Variants in COL4A5 observed in about 807,000 individuals in gnomAD.
COL4A5 encodes collagen type IV alpha 5 chain, also known as collagen alpha-5(IV) chain.
In COL4A5, 26 loss-of-function variants were observed where a neutral mutation model predicts 130.2. The observed-to-expected ratio is 0.20, with a 90% CI of 0.15 to 0.28. The LOEUF is 0.28. Among genes scored for constraint, COL4A5 ranks in the 10% least tolerant of loss-of-function variants. The pLI is 1.00. For synonymous variants in COL4A5, 496 were observed against 439.6 expected (o/e 1.13, Z -1.60); for missense variants, 1,131 against 1,344.3 (o/e 0.84, Z 2.48).
At chrX:108,638,403 G>A (rs1256151078) in intron 36 of COL4A5, among the ~76,000 whole-genome samples, 2 of 110,520 alleles carry the variant, frequency 1.8e-5, no homozygotes, top group African/African-American at 6.6e-5. Context: ...CACACCACAA[G>A]CTAGGAATAG....
At chrX:108,632,849 T>G (rs1378499730) in intron 36 of COL4A5, among the ~76,000 whole-genome samples, 1 of 111,525 alleles carries the variant, frequency 9.0e-6, no homozygotes, top group Non-Finnish European at 1.9e-5. Flanking sequence ...AAGAGCTATT[T>G]ATGACAAACC....
intron 29 of COL4A5, among the ~76,000 whole-genome samples, chrX:108,613,730 G>A (rs1235118222): frequency 9.0e-6 from 1 of 111,529 alleles, no homozygotes; most frequent in Non-Finnish European, 1.9e-5. Flanking sequence ...AAACCACAAT[G>A]GGATACCACT....
intron 2 of COL4A5, among the ~76,000 whole-genome samples, chrX:108,557,602 A>G: frequency 9.0e-6 from 1 of 111,612 alleles, no homozygotes; most frequent in South Asian, 3.7e-4. Flanking sequence ...TCAGCATAAA[A>G]TCATCTAAGC....
chrX:108,659,559 G>A (rs1168917745), intron 37 of COL4A5, among the ~76,000 whole-genome samples: 1 of 110,174 alleles, frequency 9.1e-6, no homozygotes, highest in African/African-American at 3.3e-5. Flanking sequence ...TTTGCTGTAT[G>A]TCTTTTGAGA....
intron 42 of COL4A5, chrX:108,674,451 C>A: frequency 4.2e-6 from 1 of 236,133 alleles, no homozygotes. Context: ...GCCACAGTAG[C>A]AGTGTTAACA....
chrX:108,679,783 A>G (rs751392581), intron 44 of COL4A5, among the ~76,000 whole-genome samples: 7 of 111,274 alleles, frequency 6.3e-5, no homozygotes, highest in Admixed American at 9.6e-5. Context: ...TGGGCATCAT[A>G]GTGAGATCCT....
intron 47 of COL4A5, among the ~76,000 whole-genome samples, chrX:108,684,987 A>G (rs1055236247): frequency 4.4e-5 from 5 of 112,404 alleles, no homozygotes; most frequent in African/African-American, 1.6e-4. Context: ...ACATGAACAT[A>G]ACCAATAACA....
intron 1 of COL4A5, among the ~76,000 whole-genome samples, chrX:108,462,230 A>T (rs1342773660): frequency 9.0e-6 from 1 of 111,421 alleles, no homozygotes; most frequent in Admixed American, 9.5e-5. Flanking sequence ...TGAGATTATG[A>T]GTCATTTTTT....
At position 108,559,134 on chromosome X, in the gene COL4A5, C is replaced by T. The variant is rs2065868609; in HGVS notation, c.212C>T (p.Pro71Leu). 9 of 1,206,724 alleles carry T rather than the reference C, an allele frequency of 7.5e-6. No individual in the cohort carries two copies. Among genetic ancestry groups the T allele is most frequent in the South Asian group, 7.0e-5 (4 of 56,832 alleles). ...LPGFPGPEGP[P>L]GPRGQKGDDG... ...GGATTTCCAGGTCCAGAAGGGCCTC[C>T]GGGGCCTCGGGGACAAAAGGTATGT... is the stretch of plus-strand genomic sequence containing the variant. Residue 71 changes from proline (P) to leucine (L), a missense_variant, in exon 3 of 53, where the codon CCG (proline) becomes CTG (leucine). By Grantham distance (98) the Pro-to-Leu change is moderately conservative. Coordinates refer to ENST00000328300, the MANE Select transcript of COL4A5 (RefSeq NM_033380.3).
intron 10 of COL4A5, among the ~76,000 whole-genome samples, 193 bp downstream of exon 10, chrX:108,576,165 A>G (rs1462218868): frequency 1.8e-5 from 2 of 111,894 alleles, no homozygotes; most frequent in African/African-American, 6.5e-5. Flanking sequence ...CATTTTATAG[A>G]TGGAAAAATG....
intron 2 of COL4A5, among the ~76,000 whole-genome samples, chrX:108,543,702 A>G (rs1319214126): frequency 2.7e-5 from 3 of 111,811 alleles, no homozygotes; most frequent in Non-Finnish European, 5.6e-5. Flanking sequence ...CTTGGGCAGT[A>G]TGGCCATTTT....
At chrX:108,624,185 C>A (rs1389577896) in intron 33 of COL4A5, 51 bp from the exon 34 acceptor site, 2 of 1,028,544 alleles carry the variant, frequency 1.9e-6, no homozygotes, top group Non-Finnish European at 2.7e-6. Flanking sequence ...AAAGTTATTT[C>A]ATGGATGAAT....
At chrX:108,562,601 TG>T (rs1194253166) in intron 3 of COL4A5, among the ~76,000 whole-genome samples, 1 of 111,659 alleles carries the variant, frequency 9.0e-6, no homozygotes, top group Non-Finnish European at 1.9e-5. Flanking sequence ...GAAGGTAAAC[TG>T]CTTTCTAAAC....
intron 1 of COL4A5, among the ~76,000 whole-genome samples, chrX:108,466,017 G>C (rs753798810): frequency 2.0e-4 from 22 of 111,405 alleles, no homozygotes; most frequent in Non-Finnish European, 3.8e-4. Context: ...AATACATTAT[G>C]TGACATTTTG....
intron 1 of COL4A5, among the ~76,000 whole-genome samples, chrX:108,445,099 A>G (rs1351106493): frequency 1.8e-5 from 2 of 111,599 alleles, no homozygotes; most frequent in East Asian, 2.8e-4. Flanking sequence ...TGTTAAATCA[A>G]TTTTAGATTT....
At chrX:108,500,039 T>G (rs2065066248) in intron 1 of COL4A5, among the ~76,000 whole-genome samples, 1 of 111,852 alleles carries the variant, frequency 8.9e-6, no homozygotes, top group Non-Finnish European at 1.9e-5. Context: ...TTTGGGCACT[T>G]TTTACTTTCT....
At chrX:108,696,109 T>C (rs2068728480) in intron 52 of COL4A5, 188 bp from the exon 53 acceptor site, 1 of 425,832 alleles carries the variant, frequency 2.3e-6, no homozygotes, top group Non-Finnish European at 4.2e-6. Context: ...TTACAAAATA[T>C]CTATGACCAC....
intron 49 of COL4A5, among the ~76,000 whole-genome samples, chrX:108,690,949 G>T (rs181223672): frequency 9.0e-6 from 1 of 111,101 alleles, no homozygotes; most frequent in Non-Finnish European, 1.9e-5. Flanking sequence ...AAGAAGATGT[G>T]GTATATATAC....
At chrX:108,574,616 T>C (rs2066115920) in intron 9 of COL4A5, among the ~76,000 whole-genome samples, 1 of 112,053 alleles carries the variant, frequency 8.9e-6, no homozygotes, top group African/African-American at 3.2e-5. Flanking sequence ...CTTTGCTTTA[T>C]AAAATAATGT....
Sources: allele counts gnomAD v4.1 joint callset (sites outside exome capture counted in the v4.1 genomes callset), GRCh38; gene constraint gnomAD v4.1.1; transcripts MANE v1.5; gene names NCBI Gene and HGNC (gene_info 2026-07-23, HGNC 2026-07-21).